The following PLCB4 variants were observed in gnomAD, a reference collection of about 807,000 sequenced individuals.
The protein encoded by PLCB4 is phospholipase C beta 4.
A neutral mutation model predicts 178.8 loss-of-function variants in PLCB4; 77 were observed. That is an observed-to-expected ratio of 0.43 (90% CI 0.36 to 0.52). The LOEUF (loss-of-function observed/expected upper bound fraction) is 0.52. Among genes scored for constraint, PLCB4 ranks in the 20% least tolerant of loss-of-function variants. The pLI, the probability that PLCB4 is intolerant of heterozygous loss-of-function variation, is 0.00. For missense variants in PLCB4, 1,024 were observed against 1,453.4 expected, an observed-to-expected ratio of 0.70 and a Z score of 4.80; for synonymous variants, 496 against 490.8, an observed-to-expected ratio of 1.01 and a Z score of -0.14.
chr20:9,473,212 T>C (rs994041456), intron 37 of PLCB4, 67 bp from the exon 38 acceptor site: 6 of 922,304 alleles, frequency 6.5e-6, no homozygotes, highest in Middle Eastern at 6.8e-4. Context: ...ACAAGTCATC[T>C]CTCATCCCTG....
intron 2 of PLCB4, among the ~76,000 whole-genome samples, chr20:9,194,045 C>CGT (rs1171122153): frequency 1.3e-5 from 2 of 151,976 alleles, no homozygotes; most frequent in African/African-American, 4.8e-5. Flanking sequence ...TTTTTATACA[C>CGT]ATTCATTGTG....
intron 3 of PLCB4, among the ~76,000 whole-genome samples, chr20:9,218,221 C>T (rs1048656506): frequency 6.6e-6 from 1 of 152,290 alleles, no homozygotes; most frequent in Non-Finnish European, 1.5e-5. Flanking sequence ...AGCGATTCTC[C>T]TGCCTCCACT....
chr20:9,420,424 T>A lies in PLCB4; in HGVS notation c.2154+515T>A, dbSNP rs6133708. Among the ~76,000 whole-genome samples the A allele has an allele frequency of 7.2e-5, 11 of 152,012 alleles. No homozygotes were observed. In the East Asian group the frequency reaches 1.9e-3, roughly 27 times the overall value. On this transcript the variant is annotated intron_variant, in intron 26 of 39. Transcript: ENST00000378473. ...ACAATCTCGGCTCACTGCAACCTCC[T>A]CCTCCCGGTTTCAAGTGATTCTCCT...
chr20:9,099,034 CT>C (rs2091039784), intron 2 of PLCB4, among the ~76,000 whole-genome samples: 1 of 151,564 alleles, frequency 6.6e-6, no homozygotes, highest in African/African-American at 2.4e-5. Context: ...TTAAGAGGTG[CT>C]TTTTTATTAT....
At chr20:9,386,170 G>A (rs912406319) in intron 14 of PLCB4, among the ~76,000 whole-genome samples, 15 of 152,104 alleles carry the variant, frequency 9.9e-5, no homozygotes, top group African/African-American at 1.9e-4. Context: ...GGAGAACCAC[G>A]GAAGTCCGGG....
chr20:9,478,894 C>T (rs776523695), intron 39 of PLCB4, 27 bp from the exon 40 acceptor site: 42 of 1,576,770 alleles, frequency 2.7e-5, no homozygotes, highest in Admixed American at 6.7e-5. Flanking sequence ...TTTCAACACA[C>T]GTAAGGCCAT....
chr20:9,384,358 C>A lies in PLCB4; in HGVS notation c.1011C>A (p.Phe337Leu). Residue 337 changes from phenylalanine to leucine, a missense_variant, in exon 14 of 40, where the codon TTC becomes TTA. Physicochemically the swap from Phe to Leu is conservative, Grantham distance 22 (BLOSUM62 0). Transcript: ENST00000378473. ...SHNTYLTGRQ[F>L]GGKSSVEMYR... is the part of the protein sequence containing the mutation. ...ACACTTATCTCACTGGCAGACAGTT[C>A]GGCGGGAAGTCTTCGGTAGAAATGT... 6.2e-7 allele frequency: 1 copy of A among 1,614,184 alleles called. No homozygotes were observed. The highest frequency in any genetic ancestry group is 8.5e-7 in the Non-Finnish European group (1 of 1,180,018).
chr20:9,210,496 G>A (rs2093661935), intron 2 of PLCB4, among the ~76,000 whole-genome samples: 1 of 152,142 alleles, frequency 6.6e-6, no homozygotes, highest in Non-Finnish European at 1.5e-5. Flanking sequence ...GGAGTTGGCT[G>A]GGTGGAAGTG....
intron 2 of PLCB4, among the ~76,000 whole-genome samples, chr20:9,108,159 T>C (rs939939142): frequency 6.6e-6 from 1 of 152,140 alleles, no homozygotes; most frequent in African/African-American, 2.4e-5. Flanking sequence ...GTGTCCAAAA[T>C]GAAGACAGAA....
intron 2 of PLCB4, among the ~76,000 whole-genome samples, chr20:9,152,545 G>T (rs1422587346): frequency 1.3e-5 from 2 of 152,200 alleles, no homozygotes; most frequent in African/African-American, 2.4e-5. Context: ...TGGGTGCACA[G>T]AAGTCAAGCA....
At position 9,408,159 on chromosome 20, in the gene PLCB4, T is replaced by C. The variant is rs1314687374; in HGVS notation, c.1789+101T>C. On this transcript the variant is annotated intron_variant, in intron 22 of 39. Coordinates refer to ENST00000378473, the MANE Select transcript of PLCB4 (RefSeq NM_001377142.1). The stretch of plus-strand genomic sequence containing the variant: ...TTGTTGCCATTTTTCTTTGTGGGCA[T>C]GGGGGCTGTTCCACCTCACCTTATT... 8 of 972,438 alleles carry C rather than the reference T, an allele frequency of 8.2e-6. No individual in the cohort carries two copies. The East Asian group carries it at 1.4e-4, about 18-fold the overall frequency. 60.2% of individuals were successfully genotyped at this position (972,438 alleles called of 1,614,324 possible).
chr20:9,119,352 G>T (rs2091885508), intron 2 of PLCB4, among the ~76,000 whole-genome samples: 2 of 152,098 alleles, frequency 1.3e-5, no homozygotes, highest in Non-Finnish European at 1.5e-5. Flanking sequence ...AATCATTATT[G>T]GTGCTATAAA....
chr20:9,220,585 C>T (rs886085777), intron 3 of PLCB4, among the ~76,000 whole-genome samples: 1 of 152,120 alleles, frequency 6.6e-6, no homozygotes, highest in Non-Finnish European at 1.5e-5. Context: ...TGCAGTGAGC[C>T]GAGACTGAGC....
chr20:9,422,922 C>T (rs898298023), intron 27 of PLCB4, among the ~76,000 whole-genome samples: 2 of 152,168 alleles, frequency 1.3e-5, no homozygotes, highest in Non-Finnish European at 2.9e-5. Flanking sequence ...AGTCCATTGT[C>T]TAGCTTTAAA....
chr20:9,213,754 A>T (rs1262948518), intron 2 of PLCB4, among the ~76,000 whole-genome samples: 1 of 152,218 alleles, frequency 6.6e-6, no homozygotes, highest in Admixed American at 6.5e-5. Context: ...TTTCCAAAGC[A>T]GCAGCATCAT....
chr20:9,159,002 T>C (rs1173548014), intron 2 of PLCB4, among the ~76,000 whole-genome samples: 2 of 152,176 alleles, frequency 1.3e-5, no homozygotes, highest in Non-Finnish European at 2.9e-5. Flanking sequence ...TAGAATTATC[T>C]TAGGGAAAGT....
chr20:9,413,726 C>T (rs1194380493), intron 25 of PLCB4, among the ~76,000 whole-genome samples: 5 of 151,734 alleles, frequency 3.3e-5, no homozygotes, highest in Non-Finnish European at 7.4e-5. Flanking sequence ...TCTGCTTAGC[C>T]ATTATTAGCA....
chr20:9,165,254 C>G (rs895887873), intron 2 of PLCB4, among the ~76,000 whole-genome samples: 16 of 152,158 alleles, frequency 1.1e-4, no homozygotes, highest in Non-Finnish European at 1.6e-4. Context: ...TACTAAATAT[C>G]CACTAAATAC....
intron 30 of PLCB4, among the ~76,000 whole-genome samples, chr20:9,443,213 CA>C (rs2042216245): frequency 6.6e-6 from 1 of 152,142 alleles, no homozygotes. Context: ...TGCTCAATAG[CA>C]CATTGCTTAA....
Sources: allele counts gnomAD v4.1 joint callset (sites outside exome capture counted in the v4.1 genomes callset), GRCh38; gene constraint gnomAD v4.1.1; transcripts MANE v1.5; gene names NCBI Gene and HGNC (gene_info 2026-07-23, HGNC 2026-07-21).